BIRC6: variants seen among roughly 807,000 people sequenced by gnomAD.
The protein encoded by BIRC6 is baculoviral IAP repeat containing 6, also known as dual E2 ubiquitin-conjugating enzyme/E3 ubiquitin-protein ligase BIRC6.
In BIRC6, 98 loss-of-function variants were observed where a neutral mutation model predicts 503.3. The observed-to-expected ratio is 0.19, with a 90% CI of 0.17 to 0.23. The LOEUF (loss-of-function observed/expected upper bound fraction) is 0.23, where lower values mean the gene tolerates loss of function less well. Ranked by LOEUF, BIRC6 falls within the 10% of genes least tolerant of loss-of-function variation. The pLI is 1.00. For missense variants in BIRC6, 5,360 were observed against 5,806.0 expected, an observed-to-expected ratio of 0.92 and a Z score of 2.50; for synonymous variants, 2,240 against 2,078.7, an observed-to-expected ratio of 1.08 and a Z score of -2.11.
At chr2:32,453,440 A>C (rs1290080767) in intron 22 of BIRC6, among the ~76,000 whole-genome samples, 1 of 152,212 alleles carries the variant, frequency 6.6e-6, no homozygotes, top group African/African-American at 2.4e-5. Flanking sequence ...ATTAGGTGAT[A>C]GCTAATGTGA....
chr2:32,441,467 T>A lies in BIRC6; in HGVS notation c.3944+5T>A. The A allele has an allele frequency of 1.9e-6, 3 of 1,605,212 alleles. No individual in the cohort carries two copies. The highest frequency in any genetic ancestry group is 2.6e-6 in the Non-Finnish European group (3 of 1,173,684). Reference sequence around the variant, plus strand: ...AACCTCAATTTCTAAGGAAAGGTAATTTCATTGCATTATCTTGTTATTCTT... The same window carrying A: ...AACCTCAATTTCTAAGGAAAGGTAAATTCATTGCATTATCTTGTTATTCTT... On this transcript the variant is annotated splice_donor_5th_base_variant and intron_variant, in intron 17 of 73. Coordinates refer to ENST00000421745, the MANE Select transcript of BIRC6 (RefSeq NM_016252.4).
chr2:32,590,033 T>TA (rs1409279752), intron 66 of BIRC6, among the ~76,000 whole-genome samples: 3 of 152,198 alleles, frequency 2.0e-5, no homozygotes, highest in African/African-American at 7.2e-5. Context: ...ATCATAGAGT[T>TA]AAAAACTAAG....
chr2:32,511,726 CAG>C (rs936865053), intron 53 of BIRC6, among the ~76,000 whole-genome samples: 4 of 151,912 alleles, frequency 2.6e-5, no homozygotes, highest in South Asian at 2.1e-4. Context: ...ATTAGAAAAA[CAG>C]AGAGATTTCT....
At chr2:32,392,808 A>ATT (rs564215951) in intron 5 of BIRC6, among the ~76,000 whole-genome samples, 2 of 139,934 alleles carry the variant, frequency 1.4e-5, no homozygotes, top group Non-Finnish European at 1.6e-5. Flanking sequence ...CACCAACCTA[A>ATT]TTTTTTTTTT....
chr2:32,566,758 TTCA>T (rs1408209645), intron 65 of BIRC6, among the ~76,000 whole-genome samples: 3 of 152,234 alleles, frequency 2.0e-5, no homozygotes, highest in East Asian at 3.8e-4. Flanking sequence ...CATAGATATT[TTCA>T]TCATAAGTTT....
rs536674570 is a variant in BIRC6, at chr2:32,466,700, T to C, written c.5357-825T>C. Reference sequence around the variant, plus strand: ...TTAACTAATATACTGCATTTGCTGATTTAATTTTTTAAAACTCTGATGTTT... The same window carrying C: ...TTAACTAATATACTGCATTTGCTGACTTAATTTTTTAAAACTCTGATGTTT... On this transcript the variant is annotated intron_variant, in intron 26 of 73. Transcript: ENST00000421745. Among the ~76,000 whole-genome samples, 21 of 152,346 alleles carry C rather than the reference T, an allele frequency of 1.4e-4. 2 individuals are homozygous for C. The South Asian group carries it at 4.1e-3, about 30-fold the overall frequency.
intron 8 of BIRC6, among the ~76,000 whole-genome samples, chr2:32,405,705 CA>C (rs2041127647): frequency 6.6e-6 from 1 of 152,150 alleles, no homozygotes; most frequent in Non-Finnish European, 1.5e-5. Context: ...AAATACAGAA[CA>C]AAAATAAAAT....
At chr2:32,472,254 G>A (rs1465007012) in intron 32 of BIRC6, among the ~76,000 whole-genome samples, 2 of 151,882 alleles carry the variant, frequency 1.3e-5, no homozygotes, top group Non-Finnish European at 2.9e-5. Flanking sequence ...TTTTTAGTAG[G>A]GACGAGGTTT....
At chr2:32,409,263 A>C (rs2149883308) in intron 9 of BIRC6, among the ~76,000 whole-genome samples, 1 of 152,054 alleles carries the variant, frequency 6.6e-6, no homozygotes, top group South Asian at 2.1e-4. Flanking sequence ...GGGTTCAAGC[A>C]ATTCTACTGC....
At chr2:32,413,939 A>T (rs2042156648) in intron 9 of BIRC6, among the ~76,000 whole-genome samples, 2 of 152,236 alleles carry the variant, frequency 1.3e-5, no homozygotes, top group South Asian at 4.1e-4. Context: ...TTAATTGGCA[A>T]AAAAGTTTGT....
At chr2:32,524,554 C>T (rs2056086934) in intron 57 of BIRC6, among the ~76,000 whole-genome samples, 2 of 152,148 alleles carry the variant, frequency 1.3e-5, no homozygotes, top group Admixed American at 6.5e-5. Flanking sequence ...ATGCAGTTGC[C>T]AAGCACATTG....
intron 1 of BIRC6, among the ~76,000 whole-genome samples, chr2:32,368,191 TC>T (rs2035247616): frequency 1.3e-5 from 2 of 151,876 alleles, no homozygotes; most frequent in African/African-American, 4.8e-5. Flanking sequence ...GTTTTTTTTT[TC>T]TTCTTCTTCT....
rs772009970 is a variant in BIRC6, at chr2:32,508,041, C to T, written c.9762C>T (p.Ser3254=). 6.2e-7 allele frequency: 1 copy of T among 1,613,756 alleles called. No individual in the cohort carries two copies. Among genetic ancestry groups the T allele is most frequent in the Non-Finnish European group, 8.5e-7 (1 of 1,179,828 alleles). ...SADGVNMLPL[S]TPVVTSGLTY... is the part of the protein sequence containing the mutation. ...ATGGGGTAAATATGCTACCTTTGTC[C>T]ACTCCTGTTGTCACAAGTGGCCTCA... The change falls in exon 51 of 74, where the codon TCC becomes TCT. Residue 3254 remains serine, a synonymous_variant. Coordinates refer to ENST00000421745, the MANE Select transcript of BIRC6 (RefSeq NM_016252.4).
chr2:32,375,185 C>T (rs893770173), intron 1 of BIRC6, among the ~76,000 whole-genome samples: 9 of 152,194 alleles, frequency 5.9e-5, no homozygotes, highest in South Asian at 2.1e-4. Context: ...TTTATCTACA[C>T]GGGTAATCAT....
At chr2:32,568,582 C>T (rs67600408) in intron 65 of BIRC6, among the ~76,000 whole-genome samples, 15,789 of 151,510 alleles carry the variant, frequency 0.1, 835 homozygotes, top group Middle Eastern at 0.13. Flanking sequence ...CAGTGGCTCA[C>T]GCCTGTAATT....
chr2:32,477,727 C>A, intron 35 of BIRC6, 144 bp downstream of exon 35: 2 of 379,760 alleles, frequency 5.3e-6, no homozygotes, highest in Non-Finnish European at 8.7e-6. Context: ...GGCAAAACCC[C>A]GTCTCTACAA....
chr2:32,510,911 A>C (rs373362746), intron 53 of BIRC6, among the ~76,000 whole-genome samples: 1 of 152,200 alleles, frequency 6.6e-6, no homozygotes, highest in Non-Finnish European at 1.5e-5. Flanking sequence ...ATATATTTTT[A>C]AGTTGGCTAC....
chr2:32,364,974 C>G (rs2149151359), intron 1 of BIRC6, among the ~76,000 whole-genome samples: 1 of 152,260 alleles, frequency 6.6e-6, no homozygotes. Flanking sequence ...CTACTCTCAA[C>G]TATTCTTTGA....
intron 6 of BIRC6, 68 bp downstream of exon 6, chr2:32,395,661 T>C (rs1300663458): frequency 1.3e-5 from 18 of 1,358,196 alleles, no homozygotes; most frequent in Non-Finnish European, 1.8e-5. Flanking sequence ...TAAATTTTAC[T>C]TTTCTGCTTA....
Sources: gnomAD v4.1 joint callset for allele counts (sites outside exome capture counted in the v4.1 genomes callset) on GRCh38, gnomAD v4.1.1 for gene constraint, MANE v1.5 for transcripts, NCBI Gene and HGNC (gene_info 2026-07-23, HGNC 2026-07-21) for gene names.